Variants in ANK3 observed in about 807,000 individuals in gnomAD.
ANK3 encodes ankyrin 3, also known as ankyrin-3.
ANK3 carries 57 observed loss-of-function variants against 370.9 expected under a neutral mutation model. The observed-to-expected ratio is 0.15, with a 90% CI of 0.12 to 0.19. ANK3 has a LOEUF of 0.19. Ranked by LOEUF, ANK3 falls within the 10% of genes least tolerant of loss-of-function variation. ANK3 has a pLI of 1.00. For synonymous variants in ANK3, 1,929 were observed against 1,946.3 expected (o/e 0.99, Z 0.23); for missense variants, 4,439 against 5,302.1 (o/e 0.84, Z 5.06).
intron 1 of ANK3, among the ~76,000 whole-genome samples, chr10:60,697,950 C>A (rs1286935767): frequency 1.3e-5 from 2 of 151,856 alleles, no homozygotes; most frequent in African/African-American, 4.8e-5. Flanking sequence ...AAGAAACTAC[C>A]ATCAGAGTGA....
Position 60,088,720 on chromosome 10 carries a change from C to T in ANK3, c.3329-362G>A, listed in dbSNP as rs563925681. Among the ~76,000 whole-genome samples the T allele has an allele frequency of 1.5e-3, 229 of 152,298 alleles. 1 individual carries two copies. The highest frequency in any genetic ancestry group is 2.7e-3 in the Non-Finnish European group (186 of 68,026). ...GATTACAGGCATGAGCCACTGGGCC[C>T]AGGCAATACATCATTTTAATAGTCA... On this transcript the variant is annotated intron_variant, in intron 28 of 43. Transcript: ENST00000280772.
chr10:60,472,908 T>A (rs757239614), intron 2 of ANK3, among the ~76,000 whole-genome samples: 1 of 152,164 alleles, frequency 6.6e-6, no homozygotes, highest in African/African-American at 2.4e-5. Flanking sequence ...CTCTTCTTCA[T>A]GGAGCTCAAA....
In ANK3 at chr10:60,342,947, T is replaced by A. The variant is rs1048369026; in HGVS notation, c.114+46478A>T. On this transcript the variant is annotated intron_variant, in intron 1 of 43. Coordinates refer to ENST00000280772, the MANE Select transcript of ANK3 (RefSeq NM_020987.5). ...TGAGTTCTACAGTCGTGTGTTTGTT[T>A]ACTCAAGTGTCTCCCAAACTTACTT... 2.6e-5 allele frequency among the ~76,000 whole-genome samples: 4 copies of A among 152,200 alleles called. No homozygotes were observed. In the South Asian group the frequency reaches 8.3e-4, roughly 31 times the overall value.
chr10:60,556,078 A>G (rs901050441), intron 2 of ANK3, among the ~76,000 whole-genome samples: 6 of 152,172 alleles, frequency 3.9e-5, no homozygotes, highest in Non-Finnish European at 7.4e-5. Context: ...TCTTTATAAC[A>G]TCGCTCAGGG....
At chr10:60,384,286 T>C (rs2061953726) in intron 1 of ANK3, among the ~76,000 whole-genome samples, 1 of 152,150 alleles carries the variant, frequency 6.6e-6, no homozygotes, top group Non-Finnish European at 1.5e-5. Context: ...ATTTCTAACT[T>C]CCAAAAAATT....
intron 28 of ANK3, among the ~76,000 whole-genome samples, chr10:60,102,996 G>C (rs1033070339): frequency 1.3e-5 from 2 of 151,954 alleles, no homozygotes; most frequent in African/African-American, 4.8e-5. Context: ...CTGTCGTCAG[G>C]CTGGAGTGCA....
chr10:60,645,593 T>A (rs2078700006), intron 1 of ANK3, among the ~76,000 whole-genome samples: 1 of 151,880 alleles, frequency 6.6e-6, no homozygotes, highest in Admixed American at 6.6e-5. Context: ...GCCATGGTGG[T>A]GGGTGCCTGT....
In ANK3 at chr10:60,076,219, G is replaced by A. The variant is rs1179189548; in HGVS notation, c.4662C>T (p.Gly1554=). The change falls in exon 37 of 44, where the codon GGC becomes GGT. Residue 1554 remains glycine (G), a synonymous_variant. Transcript: ENST00000280772. ...ATTTAACTGAAGATGTAGTTGACGC[G>A]CCTAATGTGGATTTGATTGGAGAAG... The part of the protein sequence containing the change: ...STPSPIKSTL[G]ASTTSSVKSI... The A allele has an allele frequency of 1.2e-6, 2 of 1,614,028 alleles. No individual in the cohort carries two copies. Among genetic ancestry groups the A allele is most frequent in the Non-Finnish European group, 1.7e-6 (2 of 1,179,988 alleles).
chr10:60,291,449 G>A (rs1450114590), intron 1 of ANK3, among the ~76,000 whole-genome samples: 5 of 152,008 alleles, frequency 3.3e-5, no homozygotes, highest in Admixed American at 2.0e-4. Flanking sequence ...GTATCTTACT[G>A]TGCTGCAGAC....
chr10:60,303,589 T>C (rs1259070729), intron 1 of ANK3, among the ~76,000 whole-genome samples: 1 of 151,948 alleles, frequency 6.6e-6, no homozygotes, highest in Non-Finnish European at 1.5e-5. Flanking sequence ...CAACAGATAA[T>C]AAGTGTTGGT....
intron 2 of ANK3, among the ~76,000 whole-genome samples, chr10:60,526,268 A>G (rs1038388305): frequency 2.0e-5 from 3 of 152,144 alleles, no homozygotes; most frequent in African/African-American, 7.2e-5. Context: ...GACGTATTTG[A>G]TAGATTGTTC....
At chr10:60,532,328 A>G (rs2076623822) in intron 2 of ANK3, among the ~76,000 whole-genome samples, 1 of 152,114 alleles carries the variant, frequency 6.6e-6, no homozygotes, top group African/African-American at 2.4e-5. Context: ...TTTCATTTAC[A>G]CAACCAGGGT....
intron 2 of ANK3, among the ~76,000 whole-genome samples, chr10:60,474,735 G>A (rs1395131659): frequency 6.6e-6 from 1 of 152,068 alleles, no homozygotes; most frequent in East Asian, 1.9e-4. Flanking sequence ...TATTACATAT[G>A]CAAGTCTATT....
At chr10:60,349,141 A>C (rs1381065690) in intron 1 of ANK3, among the ~76,000 whole-genome samples, 1 of 152,160 alleles carries the variant, frequency 6.6e-6, no homozygotes, top group Non-Finnish European at 1.5e-5. Flanking sequence ...CTTGAAGGAG[A>C]AAAATGCAGA....
At chr10:60,241,711 A>G (rs992493280) in intron 7 of ANK3, among the ~76,000 whole-genome samples, 1 of 152,226 alleles carries the variant, frequency 6.6e-6, no homozygotes. Flanking sequence ...TATTCACTCT[A>G]AAAAACTTAA....
intron 43 of ANK3, among the ~76,000 whole-genome samples, chr10:60,032,191 C>CTTTTTTTTTTTT (rs1564505236): frequency 1.2e-4 from 7 of 57,952 alleles, no homozygotes; most frequent in African/African-American, 3.7e-4. Context: ...AAATACACAG[C>CTTTTTTTTTTTT]TTCTTTTTTT....
At chr10:60,118,319 G>A (rs191719821) in intron 25 of ANK3, among the ~76,000 whole-genome samples, 2 of 152,206 alleles carry the variant, frequency 1.3e-5, no homozygotes, top group African/African-American at 4.8e-5. Context: ...TAAATTTGTA[G>A]AGCAATTACA....
At chr10:60,705,870 T>C (rs1408048386) in intron 1 of ANK3, among the ~76,000 whole-genome samples, 2 of 150,386 alleles carry the variant, frequency 1.3e-5, no homozygotes, top group Non-Finnish European at 3.0e-5. Flanking sequence ...GTCACCTCCA[T>C]TGAGTGCAGT....
chr10:60,035,863 TAAAATAAAAAATATTATATATTTTTAAGA>T (rs1028958814), intron 43 of ANK3, among the ~76,000 whole-genome samples: 1 of 151,076 alleles, frequency 6.6e-6, no homozygotes, highest in Non-Finnish European at 1.5e-5. Context: ...TTTTATTTCT[TAAAATAAAAAATATTATATATTTTTAAGA>T]AAAATAAAAA....
Sources: allele counts gnomAD v4.1 joint callset (sites outside exome capture counted in the v4.1 genomes callset), GRCh38; gene constraint gnomAD v4.1.1; transcripts MANE v1.5; gene names NCBI Gene and HGNC (gene_info 2026-07-23, HGNC 2026-07-21).